Variants in ADAM11 observed in about 807,000 individuals in gnomAD.
ADAM11 encodes ADAM metallopeptidase domain 11, also known as disintegrin and metalloproteinase domain-containing protein 11.
Under a neutral mutation model 119.1 loss-of-function variants are expected in ADAM11, and 49 were observed. The observed-to-expected ratio is 0.41, with a 90% confidence interval of 0.33 to 0.52. The LOEUF is 0.52. ADAM11 is among the 20% of genes least tolerant of loss of function. ADAM11 has a pLI of 0.20. For synonymous variants in ADAM11, 364 were observed against 408.0 expected, an observed-to-expected ratio of 0.89 and a Z score of 1.30; for missense variants, 777 against 1,047.5, an observed-to-expected ratio of 0.74 and a Z score of 3.56.
Position 44,773,229 on chromosome 17 carries a change from C to A in ADAM11, c.826-32C>A. The A allele has an allele frequency of 6.2e-7, 1 of 1,609,040 alleles. No individual in the cohort carries two copies. Among genetic ancestry groups the A allele is most frequent in the Non-Finnish European group, 8.5e-7 (1 of 1,176,248 alleles). The stretch of plus-strand genomic sequence containing the variant: ...TCCAGCCCTGGCCCCAACACCCACT[C>A]CCACCCTCCAGCCCCCTCATCTTCT... On this transcript the variant is annotated intron_variant, in intron 10 of 26. Transcript: ENST00000200557. The surrounding 1 kb of genome is among the most constrained non-coding windows in gnomAD (Gnocchi z 4.6).
intron 2 of ADAM11, among the ~76,000 whole-genome samples, chr17:44,765,330 C>G (rs1229687134): frequency 2.0e-5 from 3 of 152,146 alleles, no homozygotes; most frequent in Non-Finnish European, 2.9e-5. Flanking sequence ...GTGGTGGTGT[C>G]TCCTTGCGGG....
Position 44,777,431 on chromosome 17 carries a change from G to A in ADAM11, c.1782-51G>A, listed in dbSNP as rs374910942. On this transcript the variant is annotated intron_variant, in intron 21 of 26. Coordinates refer to ENST00000200557, the MANE Select transcript of ADAM11 (RefSeq NM_002390.6). The surrounding 1 kb of genome is among the most constrained non-coding windows in gnomAD (Gnocchi z 5.1). ...GGTGAGGGCAGATTAGAGTTCAGTA[G>A]TTGAGTCTGAGGTCAAACTTGGGGC... 1.5e-5 allele frequency: 24 copies of A among 1,595,348 alleles called. No individual in the cohort carries two copies. The highest frequency in any genetic ancestry group is 1.9e-5 in the Non-Finnish European group (22 of 1,163,966).
At chr17:44,779,499 C>T (rs1224541406) in intron 26 of ADAM11, 13 of 985,314 alleles carry the variant, frequency 1.3e-5, no homozygotes, top group Admixed American at 6.1e-5. Flanking sequence ...TCCCCTGCCA[C>T]CAGGTGGAAC....
At chr17:44,765,610 C>CTTTTTTTTGTTTTTTTTTTTTTTT (rs2049439233) in intron 2 of ADAM11, among the ~76,000 whole-genome samples, 1 of 99,876 alleles carries the variant, frequency 1.0e-5, no homozygotes, top group African/African-American at 4.0e-5. Context: ...TTTCTTTTCT[C>CTTTTTTTTGTTTTTTTTTTTTTTT]TTTTTTTTTT....
Position 44,772,365 on chromosome 17 carries a change from C to A in ADAM11, c.610+32C>A. ...GAGGGAAGGGGGGGTGGGGAGGGGC[C>A]GGCTGTGCCCCCCTCACCTGCCCCT... On this transcript the variant is annotated intron_variant, in intron 7 of 26. Transcript: ENST00000200557. This position sits in a 1 kb window ranked among gnomAD's most constrained non-coding sequence, Gnocchi z 4.5. 6.3e-7 allele frequency: 1 copy of A among 1,579,870 alleles called. No homozygotes were observed. The highest frequency in any genetic ancestry group is 1.8e-5 in the Admixed American group (1 of 55,530).
chr17:44,773,352 T>C lies in ADAM11; in HGVS notation c.917T>C (p.Leu306Pro). Residue 306 changes from leucine (L) to proline (P), a missense_variant, in exon 11 of 27, where the codon CTG (leucine) becomes CCG (proline). Physicochemically the swap from Leu to Pro is moderately conservative, Grantham distance 98. Transcript: ENST00000200557. This position sits in a 1 kb window ranked among gnomAD's most constrained non-coding sequence, Gnocchi z 4.6. ...AAGATCCAGGTGCAGGATGACCTCCTGGAGACCCTGGCCCGGCTCATGGTC... is the reference window on the plus strand; with the variant it reads ...AAGATCCAGGTGCAGGATGACCTCCCGGAGACCCTGGCCCGGCTCATGGTC... The part of the protein sequence containing the change: ...GDKIQVQDDL[L>P]ETLARLMVYR... 1 of 1,614,002 alleles carries C rather than the reference T, an allele frequency of 6.2e-7. No homozygotes were observed. Among genetic ancestry groups the C allele is most frequent in the Non-Finnish European group, 8.5e-7 (1 of 1,179,984 alleles).
rs1384189819 is a variant in ADAM11, at chr17:44,774,757, C to G, written c.1220+8C>G. The G allele has an allele frequency of 1.9e-6, 3 of 1,591,450 alleles. No homozygotes were observed. Among genetic ancestry groups the G allele is most frequent in the Admixed American group, 3.9e-5 (2 of 51,112 alleles). On this transcript the variant is annotated splice_region_variant and intron_variant, in intron 14 of 26. Coordinates refer to ENST00000200557, the MANE Select transcript of ADAM11 (RefSeq NM_002390.6). ...CATCATGGAGGACACTGGGTGAGTT[C>G]TTGGGGACAAACCGGGGGAAGGTCT...
intron 2 of ADAM11, 39 bp downstream of exon 2, chr17:44,759,936 G>T: frequency 8.0e-7 from 1 of 1,256,898 alleles, no homozygotes. Context: ...GGCTGAAGCA[G>T]GCCTCAGAGC....
At chr17:44,760,741 C>T (rs531934837) in intron 2 of ADAM11, among the ~76,000 whole-genome samples, 7 of 151,758 alleles carry the variant, frequency 4.6e-5, no homozygotes, top group African/African-American at 9.7e-5. Context: ...GTTTTGGCAG[C>T]GGGGAGTGGT....
intron 4 of ADAM11, 145 bp from the exon 5 acceptor site, chr17:44,771,439 G>A (rs2049522533): frequency 3.6e-6 from 3 of 835,994 alleles, no homozygotes; most frequent in Non-Finnish European, 5.6e-6. Flanking sequence ...CAGCCATCTA[G>A]AAACAGGCTC....
At chr17:44,764,774 A>G (rs1372827815) in intron 2 of ADAM11, among the ~76,000 whole-genome samples, 1 of 152,110 alleles carries the variant, frequency 6.6e-6, no homozygotes, top group East Asian at 1.9e-4. Flanking sequence ...TGCTGCGAGG[A>G]CTTGAGATGA....
Position 44,759,891 on chromosome 17 carries a change from G to T in ADAM11, c.231G>T (p.Gly77=). ...CAAGGGTCCGCCAGGAGCCACCAGG[G>T]GGCCCGGTGAGTGGGGCTGGGTGGT... ...LDTRVRQEPP[G]GPPVHLAQVS... The change falls in exon 2 of 27, where the codon GGG becomes GGT. Residue 77 remains glycine, a synonymous_variant. Transcript: ENST00000200557. 1.5e-6 allele frequency: 2 copies of T among 1,299,604 alleles called. No homozygotes were observed. Among genetic ancestry groups the T allele is most frequent in the Non-Finnish European group, 2.0e-6 (2 of 1,016,576 alleles). The allele number at this position is 1,299,604 out of a possible 1,614,324, so 80.5% of individuals were successfully genotyped here.
At position 44,778,253 on chromosome 17, in the gene ADAM11, C is replaced by T; in HGVS notation, c.2276+11C>T. 6.2e-7 allele frequency: 1 copy of T among 1,609,724 alleles called. No individual in the cohort carries two copies. The highest frequency in any genetic ancestry group is 1.7e-5 in the Admixed American group (1 of 59,610). On this transcript the variant is annotated intron_variant, in intron 25 of 26. Transcript: ENST00000200557. Reference sequence around the variant, plus strand: ...GGGCTGGGGATTTAAGTAAGAGACACACACACCCTGTGCCCCCTGGCATCC... The same window carrying T: ...GGGCTGGGGATTTAAGTAAGAGACATACACACCCTGTGCCCCCTGGCATCC...
At chr17:44,761,222 T>A (rs1034819168) in intron 2 of ADAM11, among the ~76,000 whole-genome samples, 1 of 152,114 alleles carries the variant, frequency 6.6e-6, no homozygotes, top group East Asian at 1.9e-4. Flanking sequence ...GCTGGGACTC[T>A]GGCTTATGCT....
chr17:44,768,352 G>A (rs2049476821), intron 2 of ADAM11, among the ~76,000 whole-genome samples: 1 of 152,300 alleles, frequency 6.6e-6, no homozygotes. Context: ...TGTCCTTGGG[G>A]CGCAAAGGTC....
At position 44,776,656 on chromosome 17, in the gene ADAM11, G is replaced by A. The variant is rs2049605217; in HGVS notation, c.1567-89G>A. The A allele has an allele frequency of 8.0e-6, 12 of 1,500,534 alleles. No homozygotes were observed. Among genetic ancestry groups the A allele is most frequent in the African/African-American group, 1.4e-5 (1 of 72,042 alleles). 93.0% of individuals were successfully genotyped at this position (1,500,534 alleles called of 1,614,324 possible). Reference sequence around the variant, plus strand: ...CCTGTGGCATGAGCCCCCAATGGGGGGCACTTGGTACCCCAGCATTCCTCC... The same window carrying A: ...CCTGTGGCATGAGCCCCCAATGGGGAGCACTTGGTACCCCAGCATTCCTCC... On this transcript the variant is annotated intron_variant, in intron 18 of 26. Transcript: ENST00000200557. The surrounding 1 kb of genome is among the most constrained non-coding windows in gnomAD (Gnocchi z 5.2).
chr17:44,767,992 G>A (rs747808995), intron 2 of ADAM11, among the ~76,000 whole-genome samples: 61 of 152,304 alleles, frequency 4.0e-4, no homozygotes, highest in East Asian at 7.7e-4. Flanking sequence ...TCCTGGCCTC[G>A]CATCTGGGCT....
chr17:44,772,532 G>A lies in ADAM11; in HGVS notation c.678+66G>A. 6.6e-7 allele frequency: 1 copy of A among 1,525,604 alleles called. No homozygotes were observed. The highest frequency in any genetic ancestry group is 8.9e-7 in the Non-Finnish European group (1 of 1,129,098). The allele number at this position is 1,525,604 out of a possible 1,614,324, so 94.5% of individuals were successfully genotyped here. On this transcript the variant is annotated intron_variant, in intron 8 of 26. Coordinates refer to ENST00000200557, the MANE Select transcript of ADAM11 (RefSeq NM_002390.6). This position sits in a 1 kb window ranked among gnomAD's most constrained non-coding sequence, Gnocchi z 4.5. ...GGCTGCAGAGAGACCTCAGGCCGTG[G>A]CCCAGAGCAGGAGGGCACCCTCATC...
At position 44,771,643 on chromosome 17, in the gene ADAM11, C is replaced by T. The variant is rs765978494; in HGVS notation, c.441C>T (p.Ala147=). The T allele has an allele frequency of 2.5e-5, 41 of 1,611,236 alleles. No individual in the cohort carries two copies. Among genetic ancestry groups the T allele is most frequent in the African/African-American group, 9.3e-5 (7 of 74,890 alleles). ...GKLRGNPHSF[A]ALSTCQGLHG... is the part of the protein sequence containing the mutation. ...TCCGGGGGAACCCGCACTCCTTCGC[C>T]GCCCTCTCCACCTGCCAGGGGCTGC... is the stretch of plus-strand genomic sequence containing the variant. The change falls in exon 5 of 27, where the codon GCC becomes GCT. Residue 147 remains alanine, a synonymous_variant. Coordinates refer to ENST00000200557, the MANE Select transcript of ADAM11 (RefSeq NM_002390.6).
Sources: gnomAD v4.1 joint callset for allele counts (sites outside exome capture counted in the v4.1 genomes callset) on GRCh38, gnomAD v4.1.1 for gene constraint, Gnocchi (gnomAD v3.1) non-coding constraint, MANE v1.5 for transcripts, NCBI Gene and HGNC (gene_info 2026-07-23, HGNC 2026-07-21) for gene names.